Variants in CSGALNACT1 observed in about 807,000 individuals in gnomAD.
CSGALNACT1 encodes the protein chondroitin sulfate N-acetylgalactosaminyltransferase 1, also known as beta4GalNAcT-1.
A neutral mutation model predicts 51.0 loss-of-function variants in CSGALNACT1; 52 were observed. That is an observed-to-expected ratio of 1.02 (90% CI 0.82 to 1.29). The LOEUF (loss-of-function observed/expected upper bound fraction) is 1.29, where lower values mean the gene tolerates loss of function less well. Ranked by LOEUF, CSGALNACT1 falls within the 50% of genes most tolerant of loss-of-function variation. The probability of loss-of-function intolerance (pLI) is 0.00; values close to 1 mark genes in which losing one functional copy is unlikely to be tolerated. For missense variants in CSGALNACT1, 935 were observed against 679.2 expected, an observed-to-expected ratio of 1.38 and a Z score of -4.19; for synonymous variants, 341 against 254.4, an observed-to-expected ratio of 1.34 and a Z score of -3.24.
Position 19,429,750 on chromosome 8 carries a change from G to C in CSGALNACT1, c.954-9232C>G, listed in dbSNP as rs533876024. Among the ~76,000 whole-genome samples, 3 of 152,338 alleles carry C rather than the reference G, an allele frequency of 2.0e-5. No homozygotes were observed. In the East Asian group the frequency reaches 5.8e-4, roughly 29 times the overall value. On this transcript the variant is annotated intron_variant, in intron 6 of 9. Transcript: ENST00000454498. The stretch of plus-strand genomic sequence containing the variant: ...TCTTTTGGGTATATACCTGGGATCA[G>C]AACTGCTGAGTCAGATAATAATACT...
At chr8:19,717,458 G>A (rs7015372) in intron 1 of CSGALNACT1, among the ~76,000 whole-genome samples, 55,500 of 152,014 alleles carry the variant, frequency 0.37, 10,934 homozygotes, top group East Asian at 0.65. Flanking sequence ...CCAAAGCAGT[G>A]AATTCACCAC....
At chr8:19,683,807 A>T (rs551545436), upstream of CSGALNACT1, among the ~76,000 whole-genome samples, 2 of 148,934 alleles carry the variant, frequency 1.3e-5, no homozygotes, top group Non-Finnish European at 3.0e-5. Flanking sequence ...TCAAGAAAGT[A>T]TTTTTTTTTT....
intron 3 of CSGALNACT1, among the ~76,000 whole-genome samples, chr8:19,516,987 C>A (rs111635008): frequency 6.6e-6 from 1 of 152,196 alleles, no homozygotes; most frequent in African/African-American, 2.4e-5. Flanking sequence ...CACTGCCCAC[C>A]TGGAGAGGTG....
chr8:19,599,441 G>GA (rs1238413022), intron 2 of CSGALNACT1, among the ~76,000 whole-genome samples: 10 of 100,424 alleles, frequency 1.0e-4, no homozygotes, highest in Admixed American at 6.7e-4. Flanking sequence ...AAGGAAGAAA[G>GA]AAAAAGAAAA....
At chr8:19,722,528 A>G (rs1019321719) in intron 1 of CSGALNACT1, among the ~76,000 whole-genome samples, 3 of 152,184 alleles carry the variant, frequency 2.0e-5, no homozygotes, top group Non-Finnish European at 2.9e-5. Context: ...TCTGGCCACA[A>G]AAGTCAACAC....
intron 4 of CSGALNACT1, among the ~76,000 whole-genome samples, chr8:19,468,581 C>T (rs1355298382): frequency 1.2e-4 from 18 of 151,960 alleles, no homozygotes; most frequent in Admixed American, 1.2e-3. Context: ...GAAAGAACCA[C>T]GATGGTTTAG....
intron 4 of CSGALNACT1, among the ~76,000 whole-genome samples, chr8:19,492,732 C>T: frequency 6.6e-6 from 1 of 152,196 alleles, no homozygotes; most frequent in East Asian, 1.9e-4. Flanking sequence ...CATAATGCTG[C>T]CAGTTATTAG....
At chr8:19,639,904 G>C (rs1300910995) in intron 1 of CSGALNACT1, among the ~76,000 whole-genome samples, 2 of 150,218 alleles carry the variant, frequency 1.3e-5, no homozygotes, top group African/African-American at 5.0e-5. Context: ...TTTTTAATGA[G>C]ACAGTTTCAT....
chr8:19,533,775 T>C (rs2083232247), intron 3 of CSGALNACT1, among the ~76,000 whole-genome samples: 1 of 152,200 alleles, frequency 6.6e-6, no homozygotes, highest in Non-Finnish European at 1.5e-5. Context: ...CTCATTGCTG[T>C]AGGCATATAG....
chr8:19,494,923 G>A (rs1031507988), intron 4 of CSGALNACT1: 1 of 152,048 alleles, frequency 6.6e-6, no homozygotes, highest in Non-Finnish European at 1.5e-5. Context: ...TAGGATTTAG[G>A]CAGCTATTTG....
chr8:19,703,837 C>T (rs2062008648), intron 1 of CSGALNACT1, among the ~76,000 whole-genome samples: 1 of 152,200 alleles, frequency 6.6e-6, no homozygotes, highest in Non-Finnish European at 1.5e-5. Flanking sequence ...AAGTACGTTA[C>T]AATTAACAGT....
At chr8:19,505,907 G>C in exon 4 of CSGALNACT1, 1 of 1,585,168 alleles carries the variant, frequency 6.3e-7, no homozygotes, top group Non-Finnish European at 8.6e-7. Context: ...GGCTTCCCTG[G>C]GCTAGACCAC....
At chr8:19,428,973 C>A (rs1373333372) in intron 6 of CSGALNACT1, among the ~76,000 whole-genome samples, 1 of 151,882 alleles carries the variant, frequency 6.6e-6, no homozygotes, top group Non-Finnish European at 1.5e-5. Flanking sequence ...TTAGTACATT[C>A]GCGATGCTGT....
intron 4 of CSGALNACT1, chr8:19,495,243 G>C (rs1038861102): frequency 6.6e-6 from 1 of 152,162 alleles, no homozygotes; most frequent in African/African-American, 2.4e-5. Context: ...AGAAACATTG[G>C]AAGCTTCTGA....
intron 1 of CSGALNACT1, among the ~76,000 whole-genome samples, chr8:19,653,518 G>C (rs1197977723): frequency 6.6e-6 from 1 of 152,158 alleles, no homozygotes; most frequent in Non-Finnish European, 1.5e-5. Flanking sequence ...CTGCGGCCAG[G>C]TGCAGTGGCT....
intron 3 of CSGALNACT1, among the ~76,000 whole-genome samples, chr8:19,583,959 G>A (rs774649040): frequency 6.6e-5 from 10 of 152,116 alleles, no homozygotes; most frequent in East Asian, 1.9e-4. Flanking sequence ...CAGCCTTTGC[G>A]GCATGTTTAT....
chr8:19,455,742 T>C (rs1464594941), intron 5 of CSGALNACT1, among the ~76,000 whole-genome samples: 1 of 152,218 alleles, frequency 6.6e-6, no homozygotes, highest in East Asian at 1.9e-4. Context: ...TGCTCCAGTG[T>C]CAGCTGTCCT....
intron 3 of CSGALNACT1, among the ~76,000 whole-genome samples, chr8:19,588,179 G>A (rs1339652637): frequency 6.6e-6 from 1 of 150,990 alleles, no homozygotes; most frequent in Non-Finnish European, 1.5e-5. Flanking sequence ...TAGGTGACAA[G>A]AATGAAACCC....
chr8:19,751,774 G>A (rs1175894415), intron 1 of CSGALNACT1, among the ~76,000 whole-genome samples: 1 of 151,666 alleles, frequency 6.6e-6, no homozygotes, highest in Non-Finnish European at 1.5e-5. Context: ...TTCCCCCTTG[G>A]CTCTCTCTCT....
Sources: allele counts gnomAD v4.1 joint callset (sites outside exome capture counted in the v4.1 genomes callset), GRCh38; gene constraint gnomAD v4.1.1; transcripts MANE v1.5; gene names NCBI Gene and HGNC (gene_info 2026-07-23, HGNC 2026-07-21).